Variants in ACTR3C observed in about 807,000 individuals in gnomAD.
ACTR3C encodes actin related protein 3C.
Under a neutral mutation model 26.3 loss-of-function variants are expected in ACTR3C, and 18 were observed. The observed-to-expected ratio is 0.68, with a 90% confidence interval of 0.47 to 1.01. ACTR3C has a LOEUF of 1.01. Among genes scored for constraint, ACTR3C ranks in the 50% least tolerant of loss-of-function variants. The probability of loss-of-function intolerance (pLI) is 0.00; values close to 1 mark genes in which losing one functional copy is unlikely to be tolerated. For synonymous variants in ACTR3C, 55 were observed against 94.5 expected, an observed-to-expected ratio of 0.58 and a Z score of 2.42; for missense variants, 184 against 250.7, an observed-to-expected ratio of 0.73 and a Z score of 1.80.
chr7:150,014,558 G>A, the ACTR3C span, among the ~76,000 whole-genome samples: 13 of 152,110 alleles, frequency 8.5e-5, no homozygotes, highest in Admixed American at 7.2e-4. Flanking sequence ...TGTGGAGGCT[G>A]ACTTTCATTA....
the ACTR3C span, among the ~76,000 whole-genome samples, chr7:150,163,060 A>G: frequency 6.6e-6 from 1 of 152,072 alleles, no homozygotes; most frequent in East Asian, 1.9e-4. Context: ...AGGCTGAGGC[A>G]GGAGAATTTC....
the ACTR3C span, among the ~76,000 whole-genome samples, chr7:150,119,494 T>C: frequency 6.6e-6 from 1 of 152,192 alleles, no homozygotes; most frequent in East Asian, 1.9e-4. Flanking sequence ...GGAAGGGCAT[T>C]ACATAATGGT....
At chr7:150,091,646 T>G in the ACTR3C span, among the ~76,000 whole-genome samples, 1 of 109,810 alleles carries the variant, frequency 9.1e-6, no homozygotes, top group African/African-American at 3.4e-5. Context: ...GACTATTTTC[T>G]CTGGGGGGTG....
At chr7:149,924,904 C>G in the ACTR3C span, among the ~76,000 whole-genome samples, 5 of 152,172 alleles carry the variant, frequency 3.3e-5, no homozygotes, top group Admixed American at 1.3e-4. Flanking sequence ...CTTGCAATTA[C>G]AGGTGTGAGC....
the ACTR3C span, among the ~76,000 whole-genome samples, chr7:149,966,859 CT>C: frequency 0.071 from 10,665 of 149,554 alleles, 1,102 homozygotes; most frequent in African/African-American, 0.23. Context: ...TTTTTCTTTC[CT>C]TTTTTTTTGT....
chr7:150,287,154 C>G (rs191608005), intron 4 of ACTR3C, among the ~76,000 whole-genome samples: 2 of 151,398 alleles, frequency 1.3e-5, no homozygotes, highest in African/African-American at 4.9e-5. Context: ...TATTCTAAGT[C>G]CCTCAATCAA....
chr7:150,068,782 C>CAAAAAAAAAAAAAAAAAAAAACA, the ACTR3C span, among the ~76,000 whole-genome samples: 1 of 76,758 alleles, frequency 1.3e-5, no homozygotes, highest in Non-Finnish European at 2.7e-5. Flanking sequence ...GACTCCGTCC[C>CAAAAAAAAAAAAAAAAAAAAACA]AAAAAAAAAA....
the ACTR3C span, among the ~76,000 whole-genome samples, chr7:150,118,071 C>T: frequency 6.6e-6 from 1 of 152,160 alleles, no homozygotes; most frequent in Non-Finnish European, 1.5e-5. Flanking sequence ...CGCAAAAACC[C>T]CATCCGAAGG....
At chr7:150,290,510 C>T (rs1165641405) in intron 3 of ACTR3C, among the ~76,000 whole-genome samples, 1 of 152,094 alleles carries the variant, frequency 6.6e-6, no homozygotes, top group Non-Finnish European at 1.5e-5. Flanking sequence ...TTTCACGTTA[C>T]AGCACATCAC....
intron 6 of ACTR3C, among the ~76,000 whole-genome samples, chr7:150,249,517 G>T (rs539637452): frequency 7.2e-5 from 11 of 152,140 alleles, no homozygotes; most frequent in African/African-American, 2.6e-4. Context: ...GCAGTGGCAC[G>T]ATCTGGGCTC....
chr7:150,030,860 C>T, the ACTR3C span, among the ~76,000 whole-genome samples: 4 of 152,096 alleles, frequency 2.6e-5, no homozygotes, highest in African/African-American at 7.3e-5. Flanking sequence ...GGGTGTTCTT[C>T]GTGGCATAGA....
At chr7:150,095,348 AGCCAG>A in the ACTR3C span, among the ~76,000 whole-genome samples, 1 of 150,424 alleles carries the variant, frequency 6.6e-6, no homozygotes, top group Non-Finnish European at 1.5e-5. Flanking sequence ...CCCTGAGCAA[AGCCAG>A]GCCAACCGGG....
At chr7:149,917,266 G>A in the ACTR3C span, among the ~76,000 whole-genome samples, 1 of 152,056 alleles carries the variant, frequency 6.6e-6, no homozygotes, top group African/African-American at 2.4e-5. Context: ...GTAGAGACAG[G>A]GTTTCTCCAT....
At chr7:150,322,145 C>T (rs1797585441) in intron 1 of ACTR3C, among the ~76,000 whole-genome samples, 1 of 152,156 alleles carries the variant, frequency 6.6e-6, no homozygotes, top group South Asian at 2.1e-4. Flanking sequence ...GGATGCAGGC[C>T]CAGATGTTCT....
chr7:149,888,531 A>C, the ACTR3C span, among the ~76,000 whole-genome samples: 1 of 152,214 alleles, frequency 6.6e-6, no homozygotes, highest in East Asian at 1.9e-4. Flanking sequence ...GCCTACTCAA[A>C]TCATTGGCTT....
At chr7:150,078,253 G>A in the ACTR3C span, among the ~76,000 whole-genome samples, 1 of 147,816 alleles carries the variant, frequency 6.8e-6, no homozygotes. Flanking sequence ...CCTCCCAAAG[G>A]CAAATGCAAG....
At chr7:149,946,787 A>G in the ACTR3C span, among the ~76,000 whole-genome samples, 55,760 of 151,858 alleles carry the variant, frequency 0.37, 10,424 homozygotes, top group Non-Finnish European at 0.42. Context: ...TGAAGGTGAC[A>G]TCATAATAAG....
chr7:150,306,586 C>T (rs1228776263), intron 1 of ACTR3C, among the ~76,000 whole-genome samples: 1 of 152,202 alleles, frequency 6.6e-6, no homozygotes, highest in Non-Finnish European at 1.5e-5. Flanking sequence ...GTGGCTCATG[C>T]CTGTAATCCC....
At chr7:149,991,472 A>T in the ACTR3C span, among the ~76,000 whole-genome samples, 2 of 152,236 alleles carry the variant, frequency 1.3e-5, no homozygotes, top group African/African-American at 2.4e-5. Flanking sequence ...ACAGAATCAG[A>T]CACAGGCTCA....
Sources: gnomAD v4.1 joint callset for allele counts (sites outside exome capture counted in the v4.1 genomes callset) on GRCh38, gnomAD v4.1.1 for gene constraint, MANE v1.5 for transcripts, NCBI Gene and HGNC (gene_info 2026-07-23, HGNC 2026-07-21) for gene names.